GLIS3: variants seen among roughly 807,000 people sequenced by gnomAD.
GLIS3 encodes GLIS family zinc finger 3.
In GLIS3, 53 loss-of-function variants were observed where a neutral mutation model predicts 78.6. That is an observed-to-expected ratio of 0.67 (90% CI 0.54 to 0.85). GLIS3 has a LOEUF of 0.85. Ranked by LOEUF, GLIS3 falls within the 40% of genes least tolerant of loss-of-function variation. GLIS3 has a pLI of 0.00. For synonymous variants in GLIS3, 684 were observed against 509.9 expected, an observed-to-expected ratio of 1.34 and a Z score of -4.60; for missense variants, 1,703 against 1,231.1, an observed-to-expected ratio of 1.38 and a Z score of -5.74.
chr9:4,278,561 C>T (rs1245690461), intron 2 of GLIS3, among the ~76,000 whole-genome samples: 1 of 152,158 alleles, frequency 6.6e-6, no homozygotes, highest in Non-Finnish European at 1.5e-5. Flanking sequence ...ATGAGTGATT[C>T]TGTAGTGATT....
chr9:4,316,025 T>C (rs995031132), intron 2 of GLIS3, among the ~76,000 whole-genome samples: 3 of 152,212 alleles, frequency 2.0e-5, no homozygotes, highest in African/African-American at 4.8e-5. Context: ...CACATATTTA[T>C]CTGGGATGAT....
intron 4 of GLIS3, among the ~76,000 whole-genome samples, chr9:4,090,383 A>G (rs1829395726): frequency 1.3e-5 from 2 of 152,148 alleles, no homozygotes; most frequent in African/African-American, 2.4e-5. Context: ...TAAAAACAAA[A>G]TAAGACTTGG....
chr9:4,048,038 G>A (rs1825400266), intron 4 of GLIS3, among the ~76,000 whole-genome samples: 1 of 152,094 alleles, frequency 6.6e-6, no homozygotes, highest in African/African-American at 2.4e-5. Context: ...GTGGGGAAAG[G>A]GGCCTCACTG....
chr9:3,837,898 C>CT (rs778088375), intron 9 of GLIS3, among the ~76,000 whole-genome samples: 13 of 148,406 alleles, frequency 8.8e-5, no homozygotes, highest in Admixed American at 2.1e-4. Flanking sequence ...CAGCTGTGGA[C>CT]TTTGAGTGAA....
rs536553777 is a variant in GLIS3 at position 4,185,996 on chromosome 9, TA to T, written c.389-60056del. ...ATTGGCAGAGTTTTCTTCTTTTTTTTAAATTTTATTTTATTATTATTATACT... is the reference window on the plus strand; with the variant it reads ...ATTGGCAGAGTTTTCTTCTTTTTTTTAATTTTATTTTATTATTATTATACT... On this transcript the variant is annotated intron_variant, in intron 2 of 10. Coordinates refer to ENST00000381971, the MANE Select transcript of GLIS3 (RefSeq NM_001042413.2). Among the ~76,000 whole-genome samples the T allele has an allele frequency of 9.6e-3, 1,455 of 151,740 alleles. 19 individuals are homozygous for T. Among genetic ancestry groups the T allele is most frequent in the African/African-American group, 0.033 (1,360 of 41,442 alleles).
At chr9:4,231,473 T>C (rs1026077871) in intron 2 of GLIS3, among the ~76,000 whole-genome samples, 2 of 152,092 alleles carry the variant, frequency 1.3e-5, no homozygotes, top group African/African-American at 2.4e-5. Flanking sequence ...ATTATGAAGA[T>C]ACAATATTTG....
intron 7 of GLIS3, among the ~76,000 whole-genome samples, chr9:3,893,288 T>A (rs1349672876): frequency 6.6e-6 from 1 of 152,176 alleles, no homozygotes; most frequent in Non-Finnish European, 1.5e-5. Context: ...GTAATTCAGC[T>A]TAATCTTGCA....
chr9:4,428,404 G>A, the GLIS3 span, among the ~76,000 whole-genome samples: 3 of 150,588 alleles, frequency 2.0e-5, no homozygotes, highest in Non-Finnish European at 2.9e-5. Flanking sequence ...GCTTGAACCT[G>A]GGAGGCAGAG....
the GLIS3 span, among the ~76,000 whole-genome samples, chr9:4,383,428 G>A: frequency 6.6e-6 from 1 of 152,110 alleles, no homozygotes; most frequent in Non-Finnish European, 1.5e-5. Context: ...AAACTAATGT[G>A]GGTCTACCCT....
the GLIS3 span, among the ~76,000 whole-genome samples, chr9:4,387,238 G>A: frequency 6.6e-6 from 1 of 152,062 alleles, no homozygotes; most frequent in South Asian, 2.1e-4. Flanking sequence ...ATTCTATTTT[G>A]GTTTGGTTTG....
chr9:4,082,451 G>C (rs1367224732), intron 4 of GLIS3, among the ~76,000 whole-genome samples: 1 of 152,184 alleles, frequency 6.6e-6, no homozygotes, highest in Non-Finnish European at 1.5e-5. Flanking sequence ...CATTTGAAAT[G>C]GGGTGGGCAA....
the GLIS3 span, among the ~76,000 whole-genome samples, chr9:4,392,265 A>C: frequency 6.6e-6 from 1 of 152,040 alleles, no homozygotes; most frequent in Non-Finnish European, 1.5e-5. Context: ...GGGAGGGAGA[A>C]CATCAGGATA....
rs1170781990 is a variant in GLIS3 at position 3,987,779 on chromosome 9, A to AC, written c.1711-50591_1711-50590insG. 4.0e-3 allele frequency among the ~76,000 whole-genome samples: 576 copies of AC among 143,838 alleles called. 34 individuals carry two copies. The highest frequency in any genetic ancestry group is 7.9e-3 in the Admixed American group (111 of 14,064). 94.4% of individuals were successfully genotyped at this position (143,838 alleles called of 152,430 possible). On this transcript the variant is annotated intron_variant, in intron 4 of 10. Transcript: ENST00000381971. ...GATTTGGCAAAAAAAAAAAAAAAAAAAAAAAAAAACAAAACACAAACATAA... is the reference window on the plus strand; with the variant it reads ...GATTTGGCAAAAAAAAAAAAAAAAAACAAAAAAAAACAAAACACAAACATAA...
chr9:4,233,896 C>T (rs1822489842), intron 2 of GLIS3, among the ~76,000 whole-genome samples: 1 of 152,186 alleles, frequency 6.6e-6, no homozygotes, highest in Admixed American at 6.5e-5. Flanking sequence ...CCTACATCAC[C>T]ACTTGCTGCT....
chr9:3,941,968 C>G (rs1236359073), intron 4 of GLIS3, among the ~76,000 whole-genome samples: 1 of 152,096 alleles, frequency 6.6e-6, no homozygotes, highest in Non-Finnish European at 1.5e-5. Flanking sequence ...GTTACTTTCC[C>G]TTTCCATTAG....
intron 2 of GLIS3, among the ~76,000 whole-genome samples, chr9:4,163,781 A>G (rs1443141529): frequency 6.6e-6 from 1 of 152,222 alleles, no homozygotes; most frequent in African/African-American, 2.4e-5. Context: ...AATTGTGCTT[A>G]GTGTACAGTA....
rs1329966228 is a variant in GLIS3, at chr9:4,117,979, T to C, written c.1499A>G (p.His500Arg). The change falls in exon 4 of 11, where the codon CAT (histidine) becomes CGT (arginine). Residue 500 changes from histidine (H) to arginine (R), a missense_variant. Transcript: ENST00000381971. Reference protein sequence around the residue: ...DGEMDGIGGKHCCRWIDCSAL... With the variant: ...DGEMDGIGGKRCCRWIDCSAL... ...GCTGCAGTCGATCCAGCGGCAGCAA[T>C]GCTTGCCCCCGATGCCGTCCATCTC... 1 of 1,612,990 alleles carries C rather than the reference T, an allele frequency of 6.2e-7. No individual in the cohort carries two copies. Among genetic ancestry groups the C allele is most frequent in the Non-Finnish European group, 8.5e-7 (1 of 1,179,712 alleles).
At chr9:3,963,182 C>A (rs918717872) in intron 4 of GLIS3, among the ~76,000 whole-genome samples, 3 of 152,136 alleles carry the variant, frequency 2.0e-5, no homozygotes, top group Non-Finnish European at 2.9e-5. Context: ...TTTGTGTCTA[C>A]GGAGGATGAA....
intron 4 of GLIS3, among the ~76,000 whole-genome samples, chr9:4,079,247 G>T (rs1252824581): frequency 1.3e-5 from 2 of 152,138 alleles, no homozygotes; most frequent in Non-Finnish European, 2.9e-5. Flanking sequence ...AGTCAACATG[G>T]GTGGTAAGTG....
Sources: gnomAD v4.1 joint callset for allele counts (sites outside exome capture counted in the v4.1 genomes callset) on GRCh38, gnomAD v4.1.1 for gene constraint, MANE v1.5 for transcripts, NCBI Gene and HGNC (gene_info 2026-07-23, HGNC 2026-07-21) for gene names.